CSMD2: variants seen among roughly 807,000 people sequenced by gnomAD.
The protein encoded by CSMD2 is CUB and Sushi multiple domains 2.
A neutral mutation model predicts 398.5 loss-of-function variants in CSMD2; 130 were observed. That is an observed-to-expected ratio of 0.33 (90% CI 0.28 to 0.38). The LOEUF is 0.38. CSMD2 is among the 10% of genes least tolerant of loss of function. CSMD2 has a pLI of 1.00. For synonymous variants in CSMD2, 1,828 were observed against 1,908.5 expected, an observed-to-expected ratio of 0.96 and a Z score of 1.10; for missense variants, 3,829 against 4,764.9, an observed-to-expected ratio of 0.80 and a Z score of 5.78.
At chr1:33,693,454 G>A (rs1474702600) in intron 24 of CSMD2, among the ~76,000 whole-genome samples, 1 of 152,200 alleles carries the variant, frequency 6.6e-6, no homozygotes, top group Non-Finnish European at 1.5e-5. Flanking sequence ...ACAAGCGTAG[G>A]TGGGGAGTGG....
chr1:33,739,225 G>T lies in CSMD2; in HGVS notation c.2283C>A (p.Phe761Leu). ...SSISFLCDEG[F>L]LGTQGSETIT... is the part of the protein sequence containing the mutation. Reference sequence around the variant, plus strand: ...TGGTCTCTGAGCCCTGAGTCCCAAGGAAGCCTTCATCACAGAGGAAGGAGA... The same window carrying T: ...TGGTCTCTGAGCCCTGAGTCCCAAGTAAGCCTTCATCACAGAGGAAGGAGA... Residue 761 changes from phenylalanine to leucine, a missense_variant, in exon 15 of 71, where the codon TTC becomes TTA. By Grantham distance (22) the Phe-to-Leu change is conservative. Coordinates refer to ENST00000373381, the MANE Select transcript of CSMD2 (RefSeq NM_001281956.2). The T allele has an allele frequency of 1.2e-6, 2 of 1,614,202 alleles. No homozygotes were observed. Among genetic ancestry groups the T allele is most frequent in the Non-Finnish European group, 1.7e-6 (2 of 1,180,030 alleles).
At chr1:33,548,672 A>G (rs1657141485) in intron 56 of CSMD2, among the ~76,000 whole-genome samples, 1 of 152,220 alleles carries the variant, frequency 6.6e-6, no homozygotes, top group African/African-American at 2.4e-5. Flanking sequence ...ACCTAATGTT[A>G]CTTCCTAATT....
At chr1:33,671,996 A>AG (rs143577679) in intron 25 of CSMD2, among the ~76,000 whole-genome samples, 57,394 of 152,038 alleles carry the variant, frequency 0.38, 11,175 homozygotes, top group East Asian at 0.55. Context: ...AGACATGCAA[A>AG]GGGGGGTGGA....
chr1:33,694,184 G>A (rs1038333139), intron 24 of CSMD2, among the ~76,000 whole-genome samples: 1 of 152,196 alleles, frequency 6.6e-6, no homozygotes, highest in African/African-American at 2.4e-5. Context: ...TTCCACTTAT[G>A]TGAAATACCT....
At chr1:33,917,370 T>G (rs900137198) in intron 5 of CSMD2, among the ~76,000 whole-genome samples, 1 of 152,158 alleles carries the variant, frequency 6.6e-6, no homozygotes, top group African/African-American at 2.4e-5. Flanking sequence ...CAAGAGAGTG[T>G]TCCAAATGCC....
intron 5 of CSMD2, among the ~76,000 whole-genome samples, chr1:33,848,158 G>T (rs1638419033): frequency 6.6e-6 from 1 of 152,208 alleles, no homozygotes. Flanking sequence ...GAACTATAAA[G>T]GTGAGGGCCG....
At chr1:34,074,907 G>A (rs1656149385) in intron 2 of CSMD2, among the ~76,000 whole-genome samples, 1 of 152,172 alleles carries the variant, frequency 6.6e-6, no homozygotes, top group South Asian at 2.1e-4. Flanking sequence ...GATGGAGGGG[G>A]TTCATCCCAA....
chr1:34,120,183 T>C (rs1662026844), intron 1 of CSMD2, among the ~76,000 whole-genome samples: 1 of 152,216 alleles, frequency 6.6e-6, no homozygotes, highest in African/African-American at 2.4e-5. Flanking sequence ...AAATAAGTCA[T>C]TAAACCTATA....
intron 26 of CSMD2, among the ~76,000 whole-genome samples, chr1:33,659,303 C>A (rs921049631): frequency 7.2e-5 from 11 of 152,124 alleles, no homozygotes; most frequent in Non-Finnish European, 1.6e-4. Flanking sequence ...GGAATGGGTG[C>A]AAGAGTTAGT....
intron 3 of CSMD2, among the ~76,000 whole-genome samples, chr1:33,954,521 G>A (rs1645104834): frequency 6.6e-6 from 1 of 152,090 alleles, no homozygotes; most frequent in Non-Finnish European, 1.5e-5. Flanking sequence ...GTTCATAGGA[G>A]CACTATCACA....
chr1:34,042,915 A>C (rs1475881824), intron 2 of CSMD2, among the ~76,000 whole-genome samples: 3 of 150,774 alleles, frequency 2.0e-5, no homozygotes, highest in Non-Finnish European at 2.9e-5. Context: ...CAGCCTCCCG[A>C]GTAGCTAGGA....
At chr1:33,774,107 TTGTGTGTGTGTGTGTGTGTGTGTG>T (rs61454614) in intron 12 of CSMD2, among the ~76,000 whole-genome samples, 15 of 141,618 alleles carry the variant, frequency 1.1e-4, no homozygotes, top group African/African-American at 3.6e-4. Flanking sequence ...ATGGCTGGGA[TTGTGTGTGTGTGTGTGTGTGTGTG>T]TGTGTGTGTG....
At chr1:33,796,619 T>C (rs1167943940) in intron 10 of CSMD2, among the ~76,000 whole-genome samples, 2 of 144,418 alleles carry the variant, frequency 1.4e-5, no homozygotes, top group South Asian at 2.1e-4. Context: ...TACAAACTGA[T>C]TGTAAAACGT....
intron 3 of CSMD2, among the ~76,000 whole-genome samples, chr1:33,944,822 C>A (rs928691710): frequency 6.6e-6 from 1 of 152,148 alleles, no homozygotes; most frequent in Non-Finnish European, 1.5e-5. Flanking sequence ...AAAACCCAAG[C>A]TGCTTGATCT....
intron 2 of CSMD2, among the ~76,000 whole-genome samples, chr1:34,083,050 C>A (rs1657432187): frequency 1.3e-5 from 2 of 149,744 alleles, no homozygotes; most frequent in Non-Finnish European, 3.0e-5. Context: ...CCGAGAAACA[C>A]CCAAGAATGA....
chr1:33,558,484 T>A (rs1447707090), intron 54 of CSMD2, among the ~76,000 whole-genome samples: 1 of 152,204 alleles, frequency 6.6e-6, no homozygotes. Flanking sequence ...TTTAGAATAA[T>A]GACAACATTA....
intron 2 of CSMD2, among the ~76,000 whole-genome samples, chr1:34,085,648 T>C (rs1252814698): frequency 2.0e-5 from 3 of 152,200 alleles, no homozygotes; most frequent in African/African-American, 4.8e-5. Flanking sequence ...GGAAAAGAGC[T>C]GACCATTTGA....
At chr1:34,009,447 CT>C (rs892652220) in intron 3 of CSMD2, among the ~76,000 whole-genome samples, 1 of 151,968 alleles carries the variant, frequency 6.6e-6, no homozygotes, top group African/African-American at 2.4e-5. Context: ...CCGCCCTGAT[CT>C]TTCTGGGCCT....
chr1:33,807,881 A>G lies in CSMD2; in HGVS notation c.1446+2862T>C, dbSNP rs13375445. ...ATTTTTGAAAATCCAGCTATACACA[A>G]AACACATATAAAGCACAAGGAAGTC... On this transcript the variant is annotated intron_variant, in intron 10 of 70. Coordinates refer to ENST00000373381, the MANE Select transcript of CSMD2 (RefSeq NM_001281956.2). Among the ~76,000 whole-genome samples, 1,008 of 152,274 alleles carry G rather than the reference A, an allele frequency of 6.6e-3. 8 individuals carry two copies. The highest frequency in any genetic ancestry group is 0.023 in the African/African-American group (967 of 41,576).
Sources: allele counts gnomAD v4.1 joint callset (sites outside exome capture counted in the v4.1 genomes callset), GRCh38; gene constraint gnomAD v4.1.1; transcripts MANE v1.5; gene names NCBI Gene and HGNC (gene_info 2026-07-23, HGNC 2026-07-21).